OAF: variants seen among roughly 807,000 people sequenced by gnomAD.
The protein encoded by OAF is out at first homolog.
A neutral mutation model predicts 22.5 loss-of-function variants in OAF; 13 were observed. The ratio of observed to expected loss-of-function variants is 0.58; its 90% CI spans 0.38 to 0.92. The LOEUF (loss-of-function observed/expected upper bound fraction) is 0.92. Among genes scored for constraint, OAF ranks in the 40% least tolerant of loss-of-function variants. OAF has a pLI of 0.00. For missense variants in OAF, 347 were observed against 381.8 expected, an observed-to-expected ratio of 0.91 and a Z score of 0.76; for synonymous variants, 175 against 170.5, an observed-to-expected ratio of 1.03 and a Z score of -0.21.
At chr11:120,225,597 C>CCAAG in intron 1 of OAF, 64 bp from the exon 2 acceptor site, 1 of 1,455,840 alleles carries the variant, frequency 6.9e-7, no homozygotes, top group Non-Finnish European at 9.1e-7. Context: ...AAGCTGAGCA[C>CCAAG]CCGGTGGGCC....
chr11:120,211,581 C>A, intron 1 of OAF, 71 bp downstream of exon 1: 1 of 1,119,266 alleles, frequency 8.9e-7, no homozygotes, highest in Admixed American at 3.6e-5. Flanking sequence ...CGCTCTCTTG[C>A]CTGCAGACGG....
intron 3 of OAF, 47 bp from the exon 4 acceptor site, chr11:120,228,821 T>TGCCAACCCAG: frequency 1.9e-6 from 1 of 520,280 alleles, no homozygotes; most frequent in Non-Finnish European, 3.6e-6. Context: ...GGGAGCTCCT[T>TGCCAACCCAG]CCCTCCCTCC....
intron 1 of OAF, among the ~76,000 whole-genome samples, chr11:120,213,076 A>G (rs2135088535): frequency 6.6e-6 from 1 of 152,058 alleles, no homozygotes; most frequent in East Asian, 1.9e-4. Context: ...CCCCCTGCCC[A>G]CTGGATGTCA....
chr11:120,217,217 A>C (rs961507118), intron 1 of OAF: 1 of 152,286 alleles, frequency 6.6e-6, no homozygotes, highest in African/African-American at 2.4e-5. Flanking sequence ...CTACTTGGCC[A>C]TGCCTGCAAC....
At chr11:120,228,821 T>TACCAAACCACC in intron 3 of OAF, 47 bp from the exon 4 acceptor site, 1 of 520,280 alleles carries the variant, frequency 1.9e-6, no homozygotes, top group Non-Finnish European at 3.6e-6. Flanking sequence ...GGGAGCTCCT[T>TACCAAACCACC]CCCTCCCTCC....
At chr11:120,225,635 G>A (rs375311485) in intron 1 of OAF, 26 bp from the exon 2 acceptor site, 107 of 1,566,912 alleles carry the variant, frequency 6.8e-5, no homozygotes, top group Middle Eastern at 3.4e-4. Flanking sequence ...CCCTCCAGCC[G>A]TTCCCATCCT....
At chr11:120,223,866 C>T (rs1221490434) in intron 1 of OAF, among the ~76,000 whole-genome samples, 1 of 152,198 alleles carries the variant, frequency 6.6e-6, no homozygotes, top group South Asian at 2.1e-4. Flanking sequence ...AGGGACATGG[C>T]CTGGCTCAAG....
chr11:120,224,137 T>G (rs1005747663), intron 1 of OAF, among the ~76,000 whole-genome samples: 1 of 152,212 alleles, frequency 6.6e-6, no homozygotes, highest in Admixed American at 6.5e-5. Flanking sequence ...TAATGGAACC[T>G]TCCTCAACAG....
At position 120,228,191 on chromosome 11, in the gene OAF, T is replaced by C. The variant is rs540115498; in HGVS notation, c.548-677T>C. On this transcript the variant is annotated intron_variant, in intron 3 of 3. Transcript: ENST00000328965. ...CCTCCGCCACCCGGGTTCCAGCAAT[T>C]CTCCTGCCTCAGCCTCCAGGATAGC... is the stretch of plus-strand genomic sequence containing the variant. 5.7e-4 allele frequency among the ~76,000 whole-genome samples: 87 copies of C among 151,966 alleles called. 1 individual carries two copies. The highest frequency in any genetic ancestry group is 1.1e-3 in the Non-Finnish European group (72 of 67,988).
At chr11:120,212,642 G>T (rs1938165850) in intron 1 of OAF, among the ~76,000 whole-genome samples, 1 of 151,276 alleles carries the variant, frequency 6.6e-6, no homozygotes, top group Admixed American at 6.6e-5. Context: ...TAGAGACAGG[G>T]CGCTTTAGAG....
chr11:120,228,821 T>TTCCAA, intron 3 of OAF, 47 bp from the exon 4 acceptor site: 7 of 520,280 alleles, frequency 1.3e-5, no homozygotes, highest in East Asian at 3.4e-5. Context: ...GGGAGCTCCT[T>TTCCAA]CCCTCCCTCC....
In OAF at chr11:120,211,476, G is replaced by A; in HGVS notation, c.197G>A (p.Gly66Asp). The A allele has an allele frequency of 1.3e-6, 2 of 1,505,690 alleles. No individual in the cohort carries two copies. The highest frequency in any genetic ancestry group is 2.1e-5 in the Admixed American group (1 of 47,456). 93.3% of individuals were successfully genotyped at this position (1,505,690 alleles called of 1,614,324 possible). A position where few individuals can be genotyped will look rare whatever the true frequency, so the allele number is the denominator to read the frequency against. The change falls in exon 1 of 4, where the codon GGC becomes GAC. Residue 66 changes from glycine (G) to aspartate (D), a missense_variant. By Grantham distance (94) the Gly-to-Asp change is moderately conservative. Coordinates refer to ENST00000328965, the MANE Select transcript of OAF (RefSeq NM_178507.4). ...AGCCTCGAGCTGCGCAAGCCCGACG[G>A]CACCCTCGTCTCCTTCACCGCCGAC... ...SISLELRKPD[G>D]TLVSFTADFK...
Position 120,230,271 on chromosome 11 carries a change from G to T in OAF, c.*1129G>T, listed in dbSNP as rs1205544440. On this transcript the variant is annotated 3_prime_UTR_variant, in exon 4 of 4. Coordinates refer to ENST00000328965, the MANE Select transcript of OAF (RefSeq NM_178507.4). ...GGCTACTTACCTGCTGTGCAGCCAT[G>T]GGTCAAGTTGCTTGACCTCTCTGTG... is the stretch of plus-strand genomic sequence containing the variant. 6.6e-6 allele frequency: 1 copy of T among 152,206 alleles called. No individual in the cohort carries two copies. The highest frequency in any genetic ancestry group is 1.5e-5 in the Non-Finnish European group (1 of 68,038). The allele number at this position is 152,206 out of a possible 1,614,324, so 9.4% of individuals were successfully genotyped here.
chr11:120,225,864 C>T (rs117418685), intron 2 of OAF, 69 bp downstream of exon 2: 16,405 of 1,428,274 alleles, frequency 0.011, 126 homozygotes, highest in Middle Eastern at 0.014. Context: ...GATCCCATCC[C>T]GCAGACCCGG....
chr11:120,225,579 C>T (rs1245287171), intron 1 of OAF, 82 bp from the exon 2 acceptor site: 9 of 1,317,370 alleles, frequency 6.8e-6, no homozygotes, highest in South Asian at 1.5e-5. Context: ...GCATCCTGTT[C>T]AGGGGCCAAG....
chr11:120,219,315 G>A (rs1325647779), intron 1 of OAF, among the ~76,000 whole-genome samples: 3 of 152,156 alleles, frequency 2.0e-5, no homozygotes, highest in African/African-American at 4.8e-5. Flanking sequence ...GACGGTGTGC[G>A]CGAATGGGGA....
intron 1 of OAF, among the ~76,000 whole-genome samples, chr11:120,223,472 T>C (rs567205948): frequency 2.8e-4 from 42 of 152,338 alleles, no homozygotes; most frequent in Non-Finnish European, 3.7e-4. Context: ...TAACTCTTTT[T>C]CCTATACAAA....
intron 1 of OAF, among the ~76,000 whole-genome samples, chr11:120,225,023 C>T (rs1444030203): frequency 6.6e-6 from 1 of 152,190 alleles, no homozygotes; most frequent in African/African-American, 2.4e-5. Flanking sequence ...ATTAGCGACC[C>T]CATGGGGGAA....
At position 120,229,221 on chromosome 11, in the gene OAF, T is replaced by A; in HGVS notation, c.*79T>A. 2.3e-6 allele frequency: 3 copies of A among 1,313,820 alleles called. No individual in the cohort carries two copies. The highest frequency in any genetic ancestry group is 3.2e-6 in the Non-Finnish European group (3 of 934,174). The allele number at this position is 1,313,820 out of a possible 1,614,324, so 81.4% of individuals were successfully genotyped here. On this transcript the variant is annotated 3_prime_UTR_variant, in exon 4 of 4. Coordinates refer to ENST00000328965, the MANE Select transcript of OAF (RefSeq NM_178507.4). ...ACTAGAGGGGGTGGCAACCCCCACCTGAGGCCTTATTTCCCTCCCTCCCCA... is the reference window on the plus strand; with the variant it reads ...ACTAGAGGGGGTGGCAACCCCCACCAGAGGCCTTATTTCCCTCCCTCCCCA...
Sources: allele counts gnomAD v4.1 joint callset (sites outside exome capture counted in the v4.1 genomes callset), GRCh38; gene constraint gnomAD v4.1.1; transcripts MANE v1.5; gene names NCBI Gene and HGNC (gene_info 2026-07-23, HGNC 2026-07-21).